The following CCSER1 variants were observed in gnomAD, a reference collection of about 807,000 sequenced individuals.
The protein encoded by CCSER1 is serine-rich coiled-coil domain-containing protein 1.
In CCSER1, 41 loss-of-function variants were observed where a neutral mutation model predicts 82.0. The ratio of observed to expected loss-of-function variants is 0.50; its 90% confidence interval spans 0.39 to 0.65. The LOEUF is 0.65. Ranked by LOEUF, CCSER1 falls within the 30% of genes least tolerant of loss-of-function variation. The pLI is 0.00. For missense variants in CCSER1, 1,119 were observed against 1,064.2 expected, an observed-to-expected ratio of 1.05 and a Z score of -0.72; for synonymous variants, 414 against 383.9, an observed-to-expected ratio of 1.08 and a Z score of -0.92.
intron 3 of CCSER1, among the ~76,000 whole-genome samples, chr4:90,341,960 G>A (rs1741454890): frequency 6.6e-6 from 1 of 152,092 alleles, no homozygotes; most frequent in African/African-American, 2.4e-5. Context: ...GGGTTTATTT[G>A]GTGGATTAGA....
chr4:91,008,257 T>A, intron 9 of CCSER1, among the ~76,000 whole-genome samples: 1 of 152,192 alleles, frequency 6.6e-6, no homozygotes, highest in Admixed American at 6.5e-5. Context: ...GAGTGAAGTT[T>A]ATTTCCAGTA....
intron 8 of CCSER1, among the ~76,000 whole-genome samples, chr4:90,869,161 T>G (rs1252148452): frequency 6.6e-6 from 1 of 152,062 alleles, no homozygotes; most frequent in South Asian, 2.1e-4. Context: ...AGTTGTCTGT[T>G]CATTTTGTTG....
At chr4:90,272,776 G>C (rs752570858) in intron 1 of CCSER1, among the ~76,000 whole-genome samples, 2 of 152,176 alleles carry the variant, frequency 1.3e-5, no homozygotes, top group Non-Finnish European at 2.9e-5. Flanking sequence ...GCCAAGGAGG[G>C]TGGATCACCT....
At chr4:90,142,919 G>A (rs1006005606) in intron 1 of CCSER1, among the ~76,000 whole-genome samples, 1 of 151,912 alleles carries the variant, frequency 6.6e-6, no homozygotes, top group Non-Finnish European at 1.5e-5. Flanking sequence ...TATATTTATT[G>A]CCCAGTTTTT....
chr4:90,139,724 G>A (rs939856721), intron 1 of CCSER1, among the ~76,000 whole-genome samples: 3 of 152,044 alleles, frequency 2.0e-5, no homozygotes, highest in African/African-American at 2.4e-5. Flanking sequence ...AGGCGGATGC[G>A]GGCAGATCAC....
chr4:91,379,575 AT>A (rs2149335151), intron 10 of CCSER1, among the ~76,000 whole-genome samples: 1 of 152,156 alleles, frequency 6.6e-6, no homozygotes, highest in East Asian at 1.9e-4. Flanking sequence ...GGTAGTTTGT[AT>A]TTCTGTGGGA....
chr4:91,331,627 G>T (rs1337311685), intron 10 of CCSER1, among the ~76,000 whole-genome samples: 1 of 152,006 alleles, frequency 6.6e-6, no homozygotes, highest in Middle Eastern at 3.2e-3. Context: ...TCTGTCAAGG[G>T]CTTTTTACAA....
chr4:91,245,114 T>C (rs1010891279), intron 10 of CCSER1, among the ~76,000 whole-genome samples: 1 of 151,768 alleles, frequency 6.6e-6, no homozygotes, highest in Non-Finnish European at 1.5e-5. Flanking sequence ...GAAAAAAGAA[T>C]AGAAAACAAT....
intron 9 of CCSER1, among the ~76,000 whole-genome samples, chr4:90,942,804 A>G (rs1731748873): frequency 6.6e-6 from 1 of 151,054 alleles, no homozygotes; most frequent in Admixed American, 6.6e-5. Flanking sequence ...GGGTAAAAAG[A>G]TTGCTTCTTC....
At chr4:91,339,814 T>C (rs1485071751) in intron 10 of CCSER1, among the ~76,000 whole-genome samples, 2 of 152,028 alleles carry the variant, frequency 1.3e-5, no homozygotes, top group African/African-American at 4.8e-5. Flanking sequence ...TTTACATGAA[T>C]ACCTACGACA....
At chr4:90,863,361 C>A (rs762745016) in intron 8 of CCSER1, among the ~76,000 whole-genome samples, 4 of 151,986 alleles carry the variant, frequency 2.6e-5, no homozygotes, top group Admixed American at 6.6e-5. Flanking sequence ...AATATTCAAA[C>A]AAACATTATT....
At chr4:91,405,359 G>C (rs1369398435) in intron 10 of CCSER1, among the ~76,000 whole-genome samples, 2 of 151,994 alleles carry the variant, frequency 1.3e-5, no homozygotes. Flanking sequence ...AAAAACCCTA[G>C]AAGAAAACCT....
intron 6 of CCSER1, among the ~76,000 whole-genome samples, chr4:90,652,244 A>C (rs1441922013): frequency 6.6e-6 from 1 of 152,144 alleles, no homozygotes; most frequent in Non-Finnish European, 1.5e-5. Flanking sequence ...TAGGAATATA[A>C]TTTTTGTATT....
intron 9 of CCSER1, among the ~76,000 whole-genome samples, chr4:90,984,497 G>T (rs560172036): frequency 6.6e-6 from 1 of 151,748 alleles, no homozygotes; most frequent in East Asian, 2.0e-4. Context: ...TTACAAAGAA[G>T]ACAACTTCAC....
At chr4:91,374,996 C>CA (rs1217099379) in intron 10 of CCSER1, among the ~76,000 whole-genome samples, 35 of 148,308 alleles carry the variant, frequency 2.4e-4, no homozygotes, top group South Asian at 1.9e-3. Context: ...CTTGCTCTGT[C>CA]AAAAAAAAAA....
intron 3 of CCSER1, among the ~76,000 whole-genome samples, chr4:90,324,140 G>T (rs983285297): frequency 2.0e-5 from 3 of 152,162 alleles, no homozygotes; most frequent in African/African-American, 7.2e-5. Context: ...ACGTGTGCAT[G>T]TGTCTTTATA....
chr4:90,609,459 G>T (rs982488698), intron 5 of CCSER1, among the ~76,000 whole-genome samples: 1 of 142,132 alleles, frequency 7.0e-6, no homozygotes, highest in Non-Finnish European at 1.5e-5. Context: ...ACACAAAAAA[G>T]TCTATATAGT....
chr4:90,276,152 C>CT (rs1330231982), intron 1 of CCSER1, among the ~76,000 whole-genome samples: 1 of 152,006 alleles, frequency 6.6e-6, no homozygotes, highest in Non-Finnish European at 1.5e-5. Flanking sequence ...CTCCTGGAAT[C>CT]TTTATTACTC....
intron 10 of CCSER1, among the ~76,000 whole-genome samples, chr4:91,219,556 G>C (rs1055044842): frequency 5.3e-5 from 8 of 152,002 alleles, no homozygotes; most frequent in African/African-American, 1.7e-4. Flanking sequence ...GACCACCTTG[G>C]CCTCCCAGAG....
Sources: gnomAD v4.1 joint callset for allele counts (sites outside exome capture counted in the v4.1 genomes callset) on GRCh38, gnomAD v4.1.1 for gene constraint, MANE v1.5 for transcripts, NCBI Gene and HGNC (gene_info 2026-07-23, HGNC 2026-07-21) for gene names.